PTTG1IP2: variants seen among roughly 807,000 people sequenced by gnomAD.
The protein encoded by PTTG1IP2 is PTTG1IP family member 2.
intron 6 of PTTG1IP2, among the ~76,000 whole-genome samples, chr7:90,508,160 G>A (rs1798145104): frequency 6.6e-6 from 1 of 151,706 alleles, no homozygotes; most frequent in African/African-American, 2.4e-5. Flanking sequence ...CCAGTGACTT[G>A]GGGGGCTGAG....
intron 2 of PTTG1IP2, among the ~76,000 whole-genome samples, chr7:90,482,295 C>T (rs1797822235): frequency 6.6e-6 from 1 of 152,112 alleles, no homozygotes; most frequent in East Asian, 1.9e-4. Flanking sequence ...TCCACTTCTC[C>T]GTGGACTTGG....
chr7:90,499,064 C>A (rs1798031591), intron 6 of PTTG1IP2, among the ~76,000 whole-genome samples: 1 of 152,120 alleles, frequency 6.6e-6, no homozygotes, highest in Non-Finnish European at 1.5e-5. Flanking sequence ...ATTGCCCAGG[C>A]TGGTCTCGAA....
intron 4 of PTTG1IP2, among the ~76,000 whole-genome samples, chr7:90,491,537 C>T (rs773934815): frequency 1.3e-5 from 2 of 151,530 alleles, no homozygotes; most frequent in Admixed American, 6.6e-5. Context: ...GCAGGAGAAT[C>T]GCTTGAATTT....
chr7:90,474,076 A>G (rs1584690244), intron 1 of PTTG1IP2, among the ~76,000 whole-genome samples: 2 of 152,196 alleles, frequency 1.3e-5, no homozygotes, highest in South Asian at 4.1e-4. Context: ...CATAGAGTGT[A>G]CTTACACAAA....
chr7:90,500,595 GT>G (rs1471160187), intron 6 of PTTG1IP2, among the ~76,000 whole-genome samples: 3 of 152,204 alleles, frequency 2.0e-5, no homozygotes, highest in African/African-American at 7.2e-5. Flanking sequence ...GCAGACTTGG[GT>G]AGAAGGAACA....
At chr7:90,475,625 G>A (rs985461483) in intron 1 of PTTG1IP2, among the ~76,000 whole-genome samples, 3 of 152,140 alleles carry the variant, frequency 2.0e-5, no homozygotes, top group Non-Finnish European at 4.4e-5. Flanking sequence ...TTCAGGAGGA[G>A]AGAAATGGAA....
At chr7:90,488,017 T>A (rs1311292995) in intron 3 of PTTG1IP2, among the ~76,000 whole-genome samples, 1 of 152,152 alleles carries the variant, frequency 6.6e-6, no homozygotes, top group Non-Finnish European at 1.5e-5. Context: ...TCAAAGAATC[T>A]TTAAGTTATA....
At chr7:90,483,769 T>C (rs1797839122) in intron 2 of PTTG1IP2, among the ~76,000 whole-genome samples, 1 of 152,176 alleles carries the variant, frequency 6.6e-6, no homozygotes, top group African/African-American at 2.4e-5. Context: ...CCCTATTTCT[T>C]CCCTCACCAT....
chr7:90,488,406 GA>G (rs1310946603), intron 3 of PTTG1IP2, among the ~76,000 whole-genome samples: 2 of 151,664 alleles, frequency 1.3e-5, no homozygotes, highest in East Asian at 1.9e-4. Context: ...ACTGAGATAA[GA>G]AAAAAAAGTT....
At chr7:90,481,022 T>A (rs1192939014) in intron 2 of PTTG1IP2, among the ~76,000 whole-genome samples, 1 of 152,222 alleles carries the variant, frequency 6.6e-6, no homozygotes, top group Non-Finnish European at 1.5e-5. Context: ...TATCAGATTC[T>A]GTTTAATTTT....
intron 1 of PTTG1IP2, among the ~76,000 whole-genome samples, chr7:90,474,259 G>C (rs1026133972): frequency 1.7e-4 from 26 of 152,180 alleles, no homozygotes; most frequent in African/African-American, 6.3e-4. Context: ...AAAATATACA[G>C]TATTATAATC....
chr7:90,505,060 G>A (rs902677682), intron 6 of PTTG1IP2, among the ~76,000 whole-genome samples: 1 of 152,184 alleles, frequency 6.6e-6, no homozygotes, highest in Non-Finnish European at 1.5e-5. Flanking sequence ...TGAAACACAT[G>A]TGGCAGGGAG....
intron 6 of PTTG1IP2, among the ~76,000 whole-genome samples, chr7:90,503,184 A>T (rs1798080626): frequency 6.6e-6 from 1 of 152,148 alleles, no homozygotes; most frequent in Admixed American, 6.5e-5. Context: ...TCTCTGCTAG[A>T]TTCCAATGTT....
intron 2 of PTTG1IP2, among the ~76,000 whole-genome samples, chr7:90,480,286 T>C (rs1797801547): frequency 6.6e-6 from 1 of 152,166 alleles, no homozygotes; most frequent in Non-Finnish European, 1.5e-5. Flanking sequence ...CTCCAGTCCT[T>C]TAACACTCTT....
chr7:90,506,540 A>C (rs993121692), intron 6 of PTTG1IP2, among the ~76,000 whole-genome samples: 1 of 152,162 alleles, frequency 6.6e-6, no homozygotes, highest in Non-Finnish European at 1.5e-5. Context: ...ACAAGGGAGG[A>C]CTACTTGAGC....
intron 1 of PTTG1IP2, among the ~76,000 whole-genome samples, chr7:90,472,387 G>A (rs1271797435): frequency 6.6e-6 from 1 of 151,912 alleles, no homozygotes; most frequent in Non-Finnish European, 1.5e-5. Flanking sequence ...CAAGTGCTTT[G>A]AGCTAGAGAA....
At chr7:90,474,820 A>G (rs992346888) in intron 1 of PTTG1IP2, among the ~76,000 whole-genome samples, 1 of 152,216 alleles carries the variant, frequency 6.6e-6, no homozygotes, top group South Asian at 2.1e-4. Context: ...ATGAAATCCA[A>G]TAAAGAAAAG....
chr7:90,505,622 G>A (rs528586169), intron 6 of PTTG1IP2, among the ~76,000 whole-genome samples: 83 of 152,264 alleles, frequency 5.5e-4, no homozygotes, highest in African/African-American at 2.0e-3. Context: ...AATGACAATA[G>A]CTTTGTTAAC....
intron 6 of PTTG1IP2, among the ~76,000 whole-genome samples, chr7:90,496,365 A>G (rs919066718): frequency 1.5e-4 from 23 of 152,104 alleles, no homozygotes; most frequent in African/African-American, 4.3e-4. Flanking sequence ...TAAGAATTCA[A>G]TCTGGGTGTG....
Sources: gnomAD v4.1 joint callset for allele counts (sites outside exome capture counted in the v4.1 genomes callset) on GRCh38, gnomAD v4.1.1 for gene constraint, MANE v1.5 for transcripts, NCBI Gene and HGNC (gene_info 2026-07-23, HGNC 2026-07-21) for gene names.